Variants in PALB2 observed in about 807,000 individuals in gnomAD.
PALB2 encodes the protein partner and localizer of BRCA2.
PALB2 carries 82 observed loss-of-function variants against 107.4 expected under a neutral mutation model. The observed-to-expected ratio is 0.76, with a 90% CI of 0.64 to 0.92. The LOEUF is 0.92. Ranked by LOEUF, PALB2 falls within the 40% of genes least tolerant of loss-of-function variation. The pLI is 0.00. For missense variants in PALB2, 1,374 were observed against 1,379.9 expected (o/e 1.00, Z 0.07); for synonymous variants, 489 against 496.8 (o/e 0.98, Z 0.21).
intron 11 of PALB2, among the ~76,000 whole-genome samples, chr16:23,610,305 A>AT (rs1425717988): frequency 3.5e-5 from 5 of 143,368 alleles, no homozygotes; most frequent in African/African-American, 1.3e-4. Context: ...ATACAATGTT[A>AT]TTTCTTTTTT....
intron 11 of PALB2, among the ~76,000 whole-genome samples, chr16:23,611,078 GTCTATCTATCTATCTA>G (rs201931763): frequency 0.019 from 2,866 of 148,184 alleles, 81 homozygotes; most frequent in African/African-American, 0.063. Flanking sequence ...TCAACTGTCA[GTCTATCTATCTATCTA>G]TCTATCTATC....
intron 4 of PALB2, among the ~76,000 whole-genome samples, chr16:23,632,913 G>A (rs1966896629): frequency 6.6e-6 from 1 of 152,130 alleles, no homozygotes; most frequent in African/African-American, 2.4e-5. Flanking sequence ...GGCCAACATG[G>A]CAAAAACCCA....
intron 1 of PALB2, chr16:23,640,374 G>T: frequency 4.9e-6 from 1 of 203,866 alleles, no homozygotes; most frequent in African/African-American, 2.3e-5. Flanking sequence ...TGCAGTGGCG[G>T]GTTCGTGTAA....
At chr16:23,615,868 C>T (rs528705403) in intron 10 of PALB2, among the ~76,000 whole-genome samples, 20 of 151,418 alleles carry the variant, frequency 1.3e-4, no homozygotes, top group Middle Eastern at 7.0e-3. Context: ...TACACCATGT[C>T]GGCCAGGCTG....
chr16:23,611,405 C>CA (rs1208147454), intron 11 of PALB2, among the ~76,000 whole-genome samples: 5 of 151,420 alleles, frequency 3.3e-5, no homozygotes, highest in Admixed American at 1.3e-4. Context: ...CTCAGCCTCC[C>CA]AAAGTGCTGG....
intron 12 of PALB2, chr16:23,606,055 C>G (rs1966467559): frequency 6.6e-6 from 1 of 152,126 alleles, no homozygotes; most frequent in Admixed American, 6.6e-5. Context: ...GGATTGGTAC[C>G]AAACAGGCTT....
Position 23,641,097 on chromosome 16 carries a change from G to A in PALB2, c.48+13C>T, listed in dbSNP as rs1226428051. 1 of 1,612,550 alleles carries A rather than the reference G, an allele frequency of 6.2e-7. No individual in the cohort carries two copies. The highest frequency in any genetic ancestry group is 8.5e-7 in the Non-Finnish European group (1 of 1,179,448). On this transcript the variant is annotated intron_variant, in intron 1 of 12. Coordinates refer to ENST00000261584, the MANE Select transcript of PALB2 (RefSeq NM_024675.4). ...TCAGAGTCCTGCGTCCGCCCTTCCC[G>A]CACCCCCGGCACCTTTTCCTTCTCC... is the stretch of plus-strand genomic sequence containing the variant.
At chr16:23,630,847 CAGCTGTA>C (rs946082985) in intron 4 of PALB2, among the ~76,000 whole-genome samples, 1 of 152,042 alleles carries the variant, frequency 6.6e-6, no homozygotes, top group African/African-American at 2.4e-5. Flanking sequence ...TGGTAGCTCA[CAGCTGTA>C]ATCCTAGTAC....
At chr16:23,637,483 A>T (rs944232856) in intron 3 of PALB2, among the ~76,000 whole-genome samples, 10 of 152,082 alleles carry the variant, frequency 6.6e-5, no homozygotes, top group Admixed American at 3.3e-4. Flanking sequence ...CAGACAGATC[A>T]TTTGAAGCCA....
At chr16:23,615,101 A>ACCAT (rs944317039) in intron 10 of PALB2, among the ~76,000 whole-genome samples, 1 of 150,640 alleles carries the variant, frequency 6.6e-6, no homozygotes, top group African/African-American at 2.4e-5. Context: ...GGCACCCACC[A>ACCAT]CCATGCCTGG....
intron 10 of PALB2, among the ~76,000 whole-genome samples, chr16:23,619,564 T>G (rs936666127): frequency 1.3e-5 from 2 of 152,028 alleles, no homozygotes; most frequent in African/African-American, 4.8e-5. Context: ...CCACACTTAT[T>G]TTTTGTATAC....
intron 11 of PALB2, among the ~76,000 whole-genome samples, chr16:23,609,588 G>A (rs1327337549): frequency 6.6e-6 from 1 of 151,974 alleles, no homozygotes; most frequent in Non-Finnish European, 1.5e-5. Context: ...TGCGATGTCT[G>A]CTCACTGCAA....
intron 5 of PALB2, among the ~76,000 whole-genome samples, 164 bp from the exon 6 acceptor site, chr16:23,629,439 C>G (rs1167306730): frequency 6.6e-6 from 1 of 152,194 alleles, no homozygotes; most frequent in African/African-American, 2.4e-5. Context: ...AGAATAGGAC[C>G]TCCCATATTT....
intron 11 of PALB2, among the ~76,000 whole-genome samples, chr16:23,611,196 G>A (rs981204155): frequency 1.3e-5 from 2 of 152,024 alleles, no homozygotes; most frequent in African/African-American, 4.8e-5. Flanking sequence ...CCAGGCTAGA[G>A]TGCAATGGCA....
rs945657254 is a variant in PALB2 at position 23,630,163 on chromosome 16, A to G, written c.1991T>C (p.Met664Thr). The part of the protein sequence containing the change: ...IFPEELSPKR[M>T]DTEMEDLEED... ...TTCTAAGTCCTCCATTTCTGTATCC[A>G]TGCGTTTAGGACTCAGTTCCTCTGG... The change falls in exon 5 of 13, where the codon ATG becomes ACG. Residue 664 changes from methionine (M) to threonine (T), a missense_variant. By Grantham distance (81) the Met-to-Thr change is moderately conservative. Coordinates refer to ENST00000261584, the MANE Select transcript of PALB2 (RefSeq NM_024675.4). 6.2e-7 allele frequency: 1 copy of G among 1,614,178 alleles called. No individual in the cohort carries two copies. The highest frequency in any genetic ancestry group is 8.5e-7 in the Non-Finnish European group (1 of 1,180,034).
chr16:23,629,233 C>G lies in PALB2; in HGVS notation c.2557G>C (p.Gly853Arg), dbSNP rs587782579. ...AACTCTGAAACCAATTGTAGGTTGCCTGGGTTTATGCTATCAGAAGCAGGA... is the reference window on the plus strand; with the variant it reads ...AACTCTGAAACCAATTGTAGGTTGCGTGGGTTTATGCTATCAGAAGCAGGA... ...ELPASDSINPGNLQLVSELKN... is the reference protein window; with the variant it reads ...ELPASDSINPRNLQLVSELKN... The change falls in exon 6 of 13, where the codon GGC becomes CGC. Residue 853 changes from glycine to arginine, a missense_variant. Physicochemically the swap from Gly to Arg is moderately radical, Grantham distance 125. Transcript: ENST00000261584. 6.2e-7 allele frequency: 1 copy of G among 1,613,710 alleles called. No individual in the cohort carries two copies. Among genetic ancestry groups the G allele is most frequent in the Admixed American group, 1.7e-5 (1 of 60,016 alleles).
intron 11 of PALB2, among the ~76,000 whole-genome samples, chr16:23,609,923 C>A (rs943445900): frequency 1.3e-5 from 2 of 152,070 alleles, no homozygotes; most frequent in East Asian, 3.9e-4. Context: ...AGCAATCCTC[C>A]CTCCTTGGCC....
chr16:23,615,471 A>C (rs1966669181), intron 10 of PALB2, among the ~76,000 whole-genome samples: 1 of 151,176 alleles, frequency 6.6e-6, no homozygotes, highest in African/African-American at 2.4e-5. Context: ...TGCCTGAATA[A>C]TTTTTTAATT....
chr16:23,609,540 C>G (rs1479474848), intron 11 of PALB2, among the ~76,000 whole-genome samples: 1 of 151,870 alleles, frequency 6.6e-6, no homozygotes, highest in Non-Finnish European at 1.5e-5. Context: ...TTTTTTGAGA[C>G]AGAGTCTTGC....
Sources: gnomAD v4.1 joint callset for allele counts (sites outside exome capture counted in the v4.1 genomes callset) on GRCh38, gnomAD v4.1.1 for gene constraint, MANE v1.5 for transcripts, NCBI Gene and HGNC (gene_info 2026-07-23, HGNC 2026-07-21) for gene names.